Variants in PARD3 observed in about 807,000 individuals in gnomAD.
The protein encoded by PARD3 is partitioning defective 3 homolog.
Under a neutral mutation model 155.4 loss-of-function variants are expected in PARD3, and 75 were observed. The observed-to-expected ratio is 0.48, with a 90% CI of 0.40 to 0.58. PARD3 has a LOEUF of 0.58. PARD3 is among the 20% of genes least tolerant of loss of function. PARD3 has a pLI of 0.00. For missense variants in PARD3, 1,642 were observed against 1,721.7 expected (o/e 0.95, Z 0.82); for synonymous variants, 576 against 610.5 (o/e 0.94, Z 0.83).
In PARD3 at chr10:34,355,933, A is replaced by AC. The variant is rs1564622308; in HGVS notation, c.2067+3213_2067+3214insG. ...GAGTGACACTCCGTCTCAAAAAAAA[A>AC]AAAAAAAAAAAAACAAAACAAAACC... On this transcript the variant is annotated intron_variant, in intron 14 of 24. Coordinates refer to ENST00000374788, the MANE Select transcript of PARD3 (RefSeq NM_001184785.2). 4.6e-4 allele frequency among the ~76,000 whole-genome samples: 59 copies of AC among 128,272 alleles called. 1 individual carries two copies. Among genetic ancestry groups the AC allele is most frequent in the African/African-American group, 2.3e-3 (54 of 23,670 alleles). The allele number at this position is 128,272 out of a possible 152,430, so 84.2% of individuals were successfully genotyped here.
At chr10:34,196,868 TAAG>T (rs1294769572) in intron 22 of PARD3, among the ~76,000 whole-genome samples, 4 of 152,114 alleles carry the variant, frequency 2.6e-5, no homozygotes, top group African/African-American at 7.2e-5. Context: ...CTAATGTAGG[TAAG>T]AAGGAGACCA....
At chr10:34,175,920 T>C (rs1244396439) in intron 22 of PARD3, among the ~76,000 whole-genome samples, 1 of 152,180 alleles carries the variant, frequency 6.6e-6, no homozygotes, top group Non-Finnish European at 1.5e-5. Flanking sequence ...CTCATAACAA[T>C]CTCTTCCCTT....
chr10:34,237,341 G>C (rs1302247804), intron 22 of PARD3, among the ~76,000 whole-genome samples: 1 of 152,130 alleles, frequency 6.6e-6, no homozygotes, highest in African/African-American at 2.4e-5. Flanking sequence ...CAAAGTGTTT[G>C]ATAATTTTCT....
intron 1 of PARD3, among the ~76,000 whole-genome samples, chr10:34,765,059 C>T (rs1250636886): frequency 1.3e-5 from 2 of 152,148 alleles, no homozygotes; most frequent in Non-Finnish European, 2.9e-5. Context: ...TCCTCCCTTC[C>T]TTTTGGTATA....
chr10:34,534,397 C>T (rs1261309402), intron 2 of PARD3, among the ~76,000 whole-genome samples: 1 of 151,960 alleles, frequency 6.6e-6, no homozygotes, highest in Non-Finnish European at 1.5e-5. Flanking sequence ...GGCTGAAGAG[C>T]GGCAGGAGAA....
intron 2 of PARD3, among the ~76,000 whole-genome samples, chr10:34,558,529 G>T (rs758704243): frequency 6.6e-6 from 1 of 152,146 alleles, no homozygotes; most frequent in African/African-American, 2.4e-5. Flanking sequence ...TCTGCAAGAG[G>T]CTGAAGCTAT....
At chr10:34,376,140 C>G (rs1046069847) in intron 10 of PARD3, among the ~76,000 whole-genome samples, 3 of 152,106 alleles carry the variant, frequency 2.0e-5, no homozygotes, top group African/African-American at 7.2e-5. Context: ...AGAAAATGCA[C>G]GTAAGTATCA....
At position 34,560,434 on chromosome 10, in the gene PARD3, G is replaced by A. The variant is rs571408357; in HGVS notation, c.223-43275C>T. Among the ~76,000 whole-genome samples, 6 of 151,976 alleles carry A rather than the reference G, an allele frequency of 3.9e-5. No individual in the cohort carries two copies. In the South Asian group the frequency reaches 1.2e-3, roughly 32 times the overall value. On this transcript the variant is annotated intron_variant, in intron 2 of 24. Transcript: ENST00000374788. ...TTCTAATATTTGACGAGTTCAGGGG[G>A]TTGTTACATGTGAAGGACTTGATGA...
intron 20 of PARD3, among the ~76,000 whole-genome samples, chr10:34,305,537 A>G (rs1000568188): frequency 2.0e-5 from 3 of 152,254 alleles, no homozygotes; most frequent in East Asian, 1.9e-4. Context: ...GTAGGCAGAC[A>G]TGAAAGGGCA....
intron 2 of PARD3, among the ~76,000 whole-genome samples, chr10:34,561,558 G>A (rs895107222): frequency 2.6e-5 from 4 of 151,150 alleles, no homozygotes; most frequent in African/African-American, 9.7e-5. Context: ...TCATTCTGTT[G>A]CCCAGGCTGG....
intron 2 of PARD3, among the ~76,000 whole-genome samples, chr10:34,544,022 G>A (rs2083850317): frequency 6.6e-6 from 1 of 152,128 alleles, no homozygotes; most frequent in African/African-American, 2.4e-5. Flanking sequence ...ACAAGACTTG[G>A]TTGACAATTC....
intron 2 of PARD3, among the ~76,000 whole-genome samples, chr10:34,660,935 C>G (rs1396898878): frequency 1.3e-5 from 2 of 152,018 alleles, no homozygotes; most frequent in African/African-American, 4.8e-5. Flanking sequence ...ATCCCTAATA[C>G]TCAATACTAC....
At position 34,785,830 on chromosome 10, in the gene PARD3, C is replaced by T. The variant is rs1020328223; in HGVS notation, c.120+29046G>A. 3.3e-5 allele frequency among the ~76,000 whole-genome samples: 5 copies of T among 152,074 alleles called. No homozygotes were observed. In the South Asian group the frequency reaches 8.3e-4, roughly 25 times the overall value. ...TTTGAATTTCACTCCACGTAACATT[C>T]CAGAGAAGAAAAAAAAATTAATACT... On this transcript the variant is annotated intron_variant, in intron 1 of 24. Transcript: ENST00000374788.
At chr10:34,586,573 C>T (rs1328535553) in intron 2 of PARD3, among the ~76,000 whole-genome samples, 2 of 152,112 alleles carry the variant, frequency 1.3e-5, no homozygotes, top group Admixed American at 6.5e-5. Context: ...CAGCCTTTGG[C>T]ACTGTAAAAT....
At chr10:34,529,631 A>G (rs983481751) in intron 2 of PARD3, among the ~76,000 whole-genome samples, 1 of 152,204 alleles carries the variant, frequency 6.6e-6, no homozygotes, top group African/African-American at 2.4e-5. Flanking sequence ...GTTAACACCT[A>G]TTTTGTGTGT....
At chr10:34,186,974 T>G (rs1031205206) in intron 22 of PARD3, among the ~76,000 whole-genome samples, 1 of 152,152 alleles carries the variant, frequency 6.6e-6, no homozygotes, top group Admixed American at 6.5e-5. Flanking sequence ...AGTCAAAACC[T>G]CCCTTTCCTC....
At chr10:34,633,698 T>G (rs533628450) in intron 2 of PARD3, among the ~76,000 whole-genome samples, 2 of 152,230 alleles carry the variant, frequency 1.3e-5, no homozygotes, top group Admixed American at 1.3e-4. Flanking sequence ...CACCCAGAAG[T>G]AGGATTGCTG....
intron 2 of PARD3, among the ~76,000 whole-genome samples, chr10:34,568,557 G>T (rs1469714001): frequency 6.6e-6 from 1 of 152,138 alleles, no homozygotes; most frequent in Non-Finnish European, 1.5e-5. Flanking sequence ...AGACTACAGA[G>T]ATTATATTCA....
At chr10:34,266,797 C>A (rs969787306) in intron 22 of PARD3, among the ~76,000 whole-genome samples, 4 of 152,164 alleles carry the variant, frequency 2.6e-5, no homozygotes, top group Non-Finnish European at 5.9e-5. Flanking sequence ...AGGGTACAGA[C>A]TCCAAGTGGG....
Sources: gnomAD v4.1 joint callset for allele counts (sites outside exome capture counted in the v4.1 genomes callset) on GRCh38, gnomAD v4.1.1 for gene constraint, MANE v1.5 for transcripts, NCBI Gene and HGNC (gene_info 2026-07-23, HGNC 2026-07-21) for gene names.